MAMSTR: variants seen among roughly 807,000 people sequenced by gnomAD.
MAMSTR encodes the protein MEF2-activating motif and SAP domain-containing transcriptional regulator.
A neutral mutation model predicts 42.7 loss-of-function variants in MAMSTR; 41 were observed. That is an observed-to-expected ratio of 0.96 (90% CI 0.75 to 1.25). MAMSTR has a LOEUF of 1.25. Among genes scored for constraint, MAMSTR ranks in the 50% most tolerant of loss-of-function variants. The pLI is 0.00. For synonymous variants in MAMSTR, 265 were observed against 244.1 expected (o/e 1.09, Z -0.80); for missense variants, 567 against 557.6 (o/e 1.02, Z -0.17).
chr19:48,708,057 A>G (rs2032679552), downstream of MAMSTR, among the ~76,000 whole-genome samples: 1 of 151,920 alleles, frequency 6.6e-6, no homozygotes, highest in Non-Finnish European at 1.5e-5. Context: ...CAACGTGGAG[A>G]AACCCTGTCT....
intron 2 of MAMSTR, 21 bp from the exon 3 acceptor site, chr19:48,716,764 T>TGGGAGGAGGAAGGC: frequency 7.7e-7 from 1 of 1,290,630 alleles, no homozygotes; most frequent in Non-Finnish European, 9.9e-7. Flanking sequence ...AGGAGGGAGG[T>TGGGAGGAGGAAGGC]GGGAGGAGGA....
At chr19:48,708,842 G>A (rs1344263163), downstream of MAMSTR, among the ~76,000 whole-genome samples, 1 of 152,154 alleles carries the variant, frequency 6.6e-6, no homozygotes, top group African/African-American at 2.4e-5. Context: ...GGGATAAAGG[G>A]CAGGAGGGAG....
chr19:48,709,309 C>T (rs1260576537), downstream of MAMSTR, among the ~76,000 whole-genome samples: 2 of 151,942 alleles, frequency 1.3e-5, no homozygotes, highest in East Asian at 1.9e-4. Flanking sequence ...CCACCACACC[C>T]GGCTAATTTT....
At chr19:48,715,037 G>A in intron 5 of MAMSTR, 129 bp from the exon 6 acceptor site, 1 of 709,646 alleles carries the variant, frequency 1.4e-6, no homozygotes, top group East Asian at 2.7e-5. Context: ...GGGTCTCCAA[G>A]GGCGCAAACA....
downstream of MAMSTR, among the ~76,000 whole-genome samples, chr19:48,707,883 GAAAGAA>G (rs1555755214): frequency 9.4e-6 from 1 of 106,016 alleles, no homozygotes; most frequent in Non-Finnish European, 2.0e-5. Flanking sequence ...AAGAAAGAAA[GAAAGAA>G]AAGAAAGAAA....
At chr19:48,711,999 G>T (rs544850924), downstream of MAMSTR, among the ~76,000 whole-genome samples, 1 of 151,902 alleles carries the variant, frequency 6.6e-6, no homozygotes, top group Non-Finnish European at 1.5e-5. Flanking sequence ...CTCGTGATCC[G>T]CCCACCTTGG....
chr19:48,718,880 A>T, intron 2 of MAMSTR, 94 bp downstream of exon 2: 1 of 1,253,866 alleles, frequency 8.0e-7, no homozygotes, highest in Non-Finnish European at 1.1e-6. Flanking sequence ...CAAAAAACAC[A>T]GGCCTCATGG....
downstream of MAMSTR, among the ~76,000 whole-genome samples, chr19:48,711,492 G>A (rs2032723849): frequency 6.6e-6 from 1 of 152,322 alleles, no homozygotes; most frequent in Non-Finnish European, 1.5e-5. Context: ...GTCAACCCAT[G>A]CATTTGTGAG....
Sources: gnomAD v4.1 joint callset for allele counts (sites outside exome capture counted in the v4.1 genomes callset) on GRCh38, gnomAD v4.1.1 for gene constraint, MANE v1.5 for transcripts, NCBI Gene and HGNC (gene_info 2026-07-23, HGNC 2026-07-21) for gene names.